The following LRRTM4 variants were observed in gnomAD, a reference collection of about 807,000 sequenced individuals.
The protein encoded by LRRTM4 is leucine rich repeat transmembrane neuronal 4.
LRRTM4 carries 25 observed loss-of-function variants against 47.6 expected under a neutral mutation model. The ratio of observed to expected loss-of-function variants is 0.53; its 90% CI spans 0.38 to 0.73. The LOEUF (loss-of-function observed/expected upper bound fraction) is 0.73, where lower values mean the gene tolerates loss of function less well. Among genes scored for constraint, LRRTM4 ranks in the 30% least tolerant of loss-of-function variants. The pLI is 0.00. For synonymous variants in LRRTM4, 311 were observed against 269.5 expected, an observed-to-expected ratio of 1.15 and a Z score of -1.51; for missense variants, 638 against 713.4, an observed-to-expected ratio of 0.89 and a Z score of 1.20.
intron 3 of LRRTM4, among the ~76,000 whole-genome samples, chr2:76,789,625 A>C (rs901204987): frequency 3.3e-5 from 5 of 152,142 alleles, no homozygotes; most frequent in Non-Finnish European, 7.4e-5. Flanking sequence ...CTTCTGGTCA[A>C]ACCTACTCCA....
chr2:76,949,010 G>C (rs185145234), intron 3 of LRRTM4, among the ~76,000 whole-genome samples: 1 of 151,926 alleles, frequency 6.6e-6, no homozygotes, highest in East Asian at 1.9e-4. Flanking sequence ...ATGACTGATA[G>C]ATTTAATTCC....
chr2:77,495,283 A>ACTC (rs951807847), intron 3 of LRRTM4, among the ~76,000 whole-genome samples: 1 of 151,976 alleles, frequency 6.6e-6, no homozygotes, highest in Non-Finnish European at 1.5e-5. Context: ...AGTTCTAGTT[A>ACTC]CTCTGCATCT....
chr2:76,902,787 A>T (rs1209875732), intron 3 of LRRTM4, among the ~76,000 whole-genome samples: 1 of 152,172 alleles, frequency 6.6e-6, no homozygotes, highest in Non-Finnish European at 1.5e-5. Flanking sequence ...CTAGTTTTAA[A>T]CTATTCTATT....
At chr2:77,245,155 G>A (rs926301466) in intron 3 of LRRTM4, among the ~76,000 whole-genome samples, 2 of 152,096 alleles carry the variant, frequency 1.3e-5, no homozygotes, top group African/African-American at 4.8e-5. Context: ...TACAGATTAT[G>A]AGAAAGTTCT....
chr2:77,410,509 C>T (rs1332545184), intron 3 of LRRTM4, among the ~76,000 whole-genome samples: 1 of 152,112 alleles, frequency 6.6e-6, no homozygotes, highest in Admixed American at 6.5e-5. Context: ...TCAGGGAATA[C>T]TTTCCAATCT....
chr2:77,459,338 T>G (rs1676686388), intron 3 of LRRTM4, among the ~76,000 whole-genome samples: 1 of 152,110 alleles, frequency 6.6e-6, no homozygotes, highest in Admixed American at 6.6e-5. Context: ...ATAAGGTGAT[T>G]ATTTCAGATG....
chr2:77,422,521 G>A (rs935413172), intron 3 of LRRTM4, among the ~76,000 whole-genome samples: 1 of 152,154 alleles, frequency 6.6e-6, no homozygotes, highest in African/African-American at 2.4e-5. Flanking sequence ...GAGGCAATGT[G>A]ACACATCAAC....
At chr2:76,873,504 G>GTATATATATATATATATATA (rs1371189658) in intron 3 of LRRTM4, among the ~76,000 whole-genome samples, 16 of 73,200 alleles carry the variant, frequency 2.2e-4, no homozygotes, top group African/African-American at 5.9e-4. Flanking sequence ...ATATATATGT[G>GTATATATATATATATATATA]TGTATATATA....
At chr2:77,317,026 C>A (rs982313682) in intron 3 of LRRTM4, among the ~76,000 whole-genome samples, 8 of 151,896 alleles carry the variant, frequency 5.3e-5, no homozygotes, top group African/African-American at 9.7e-5. Flanking sequence ...GAAATCAAAT[C>A]ATAGAAAACA....
intron 3 of LRRTM4, among the ~76,000 whole-genome samples, chr2:77,036,099 A>G (rs1367767614): frequency 1.3e-5 from 2 of 151,862 alleles, no homozygotes; most frequent in African/African-American, 2.4e-5. Context: ...CATATGCATG[A>G]GTAGTAATGG....
chr2:77,285,105 C>T (rs1676612919), intron 3 of LRRTM4, among the ~76,000 whole-genome samples: 1 of 151,718 alleles, frequency 6.6e-6, no homozygotes, highest in African/African-American at 2.4e-5. Flanking sequence ...ATCTGTAAAA[C>T]TTAGCTGGAA....
chr2:76,946,514 G>C lies in LRRTM4; in HGVS notation c.1552-197598C>G, dbSNP rs76283621. Among the ~76,000 whole-genome samples the C allele has an allele frequency of 7.8e-3, 1,184 of 151,818 alleles. 19 individuals carry two copies. Among genetic ancestry groups the C allele is most frequent in the African/African-American group, 0.027 (1,129 of 41,482 alleles). On this transcript the variant is annotated intron_variant, in intron 3 of 3. Transcript: ENST00000409884. ...CTATAGACTAGATATAATATCAAAG[G>C]TCAGGCTTTTGGTGTTTAAAGACAA...
At chr2:76,859,250 C>A (rs1216468798) in intron 3 of LRRTM4, among the ~76,000 whole-genome samples, 2 of 152,046 alleles carry the variant, frequency 1.3e-5, no homozygotes, top group Admixed American at 1.3e-4. Flanking sequence ...CCAGCTTTGT[C>A]ATTTACTGTT....
chr2:77,493,886 C>T (rs919887934), intron 3 of LRRTM4, among the ~76,000 whole-genome samples: 8 of 152,032 alleles, frequency 5.3e-5, no homozygotes, highest in Admixed American at 1.3e-4. Flanking sequence ...AAAATACTGG[C>T]TTTCTTTACA....
chr2:77,207,782 T>C (rs927995670), intron 3 of LRRTM4, among the ~76,000 whole-genome samples: 1 of 151,926 alleles, frequency 6.6e-6, no homozygotes, highest in African/African-American at 2.4e-5. Flanking sequence ...TTATATTCTG[T>C]TTTTTCCATT....
At chr2:77,135,214 T>A (rs141230535) in intron 3 of LRRTM4, among the ~76,000 whole-genome samples, 1 of 152,208 alleles carries the variant, frequency 6.6e-6, no homozygotes, top group East Asian at 1.9e-4. Context: ...ACATCACTAC[T>A]CATAGGTTGA....
intron 3 of LRRTM4, among the ~76,000 whole-genome samples, chr2:76,820,924 G>T (rs1372476844): frequency 6.6e-6 from 1 of 151,244 alleles, no homozygotes. Flanking sequence ...GAAAATTAGG[G>T]CAAACTGGTA....
At chr2:76,839,688 T>C (rs886875399) in intron 3 of LRRTM4, among the ~76,000 whole-genome samples, 4 of 152,110 alleles carry the variant, frequency 2.6e-5, no homozygotes, top group Non-Finnish European at 5.9e-5. Context: ...ATTACCTTAT[T>C]TGAAAGCATG....
chr2:77,217,899 T>C (rs1674504860), intron 3 of LRRTM4, among the ~76,000 whole-genome samples: 1 of 152,204 alleles, frequency 6.6e-6, no homozygotes, highest in Admixed American at 6.5e-5. Context: ...CTATGTCTTC[T>C]TTGTTGGCTA....
Sources: allele counts gnomAD v4.1 joint callset (sites outside exome capture counted in the v4.1 genomes callset), GRCh38; gene constraint gnomAD v4.1.1; transcripts MANE v1.5; gene names NCBI Gene and HGNC (gene_info 2026-07-23, HGNC 2026-07-21).